Variants in IL5RA observed in about 807,000 individuals in gnomAD.
IL5RA encodes the protein interleukin-5 receptor subunit alpha.
IL5RA carries 49 observed loss-of-function variants against 50.0 expected under a neutral mutation model. The observed-to-expected ratio is 0.98, with a 90% CI of 0.78 to 1.24. The LOEUF is 1.24. Among genes scored for constraint, IL5RA ranks in the 50% most tolerant of loss-of-function variants. The pLI, the probability that IL5RA is intolerant of heterozygous loss-of-function variation, is 0.00. For missense variants in IL5RA, 600 were observed against 500.4 expected (o/e 1.20, Z -1.90); for synonymous variants, 202 against 174.0 (o/e 1.16, Z -1.26).
chr3:3,078,681 A>C (rs168122), intron 9 of IL5RA, among the ~76,000 whole-genome samples: 86,658 of 151,918 alleles, frequency 0.57, 25,613 homozygotes, highest in African/African-American at 0.73. Flanking sequence ...TAAAAATATA[A>C]AAATTAGCAG....
chr3:3,076,646 GAAAC>G lies in IL5RA; in HGVS notation c.995-23_995-20del. ...TCATTTCCTGGTGGAAAACAAAAAA[GAAAC>G]AAAAAAATATAAAGTCCAAGTTAGA... On this transcript the variant is annotated intron_variant, in intron 9 of 11. Transcript: ENST00000446632. The G allele has an allele frequency of 6.6e-7, 1 of 1,517,080 alleles. No homozygotes were observed. Among genetic ancestry groups the G allele is most frequent in the Admixed American group, 1.8e-5 (1 of 56,180 alleles). 94.0% of individuals were successfully genotyped at this position (1,517,080 alleles called of 1,614,324 possible).
At chr3:3,078,554 C>G (rs1278692397) in intron 9 of IL5RA, among the ~76,000 whole-genome samples, 2 of 152,188 alleles carry the variant, frequency 1.3e-5, no homozygotes, top group Non-Finnish European at 2.9e-5. Flanking sequence ...TGAATAAGGG[C>G]TAGGTGCGGT....
At chr3:3,072,545 TG>T (rs1488394746) in intron 11 of IL5RA, among the ~76,000 whole-genome samples, 1 of 152,234 alleles carries the variant, frequency 6.6e-6, no homozygotes, top group Non-Finnish European at 1.5e-5. Flanking sequence ...GGAAATCTTT[TG>T]GGGCTCTGTA....
At chr3:3,105,363 A>C (rs1703860040) in intron 2 of IL5RA, 1 of 156,400 alleles carries the variant, frequency 6.4e-6, no homozygotes, top group Non-Finnish European at 1.4e-5. Flanking sequence ...GCAAAGCTGG[A>C]AGAGAAGGAA....
rs540568179 is a variant in IL5RA, at chr3:3,095,594, C to A, written c.710-150G>T. 196 of 670,210 alleles carry A rather than the reference C, an allele frequency of 2.9e-4. 1 individual carries two copies. Among genetic ancestry groups the A allele is most frequent in the Middle Eastern group, 2.0e-3 (5 of 2,456 alleles). 41.5% of individuals were successfully genotyped at this position (670,210 alleles called of 1,614,324 possible). ...AGGTCTTAATCAACTGATCTCCAAG[C>A]CACAGGAAGCCGGTGGCCTCCCATA... On this transcript the variant is annotated intron_variant, in intron 7 of 11. Transcript: ENST00000446632.
At chr3:3,107,655 C>A (rs1288806401) in intron 2 of IL5RA, among the ~76,000 whole-genome samples, 1 of 152,140 alleles carries the variant, frequency 6.6e-6, no homozygotes, top group African/African-American at 2.4e-5. Context: ...GGAAGACATG[C>A]TCAATCTTTA....
intron 9 of IL5RA, among the ~76,000 whole-genome samples, chr3:3,081,642 A>C (rs163546): frequency 2.0e-5 from 3 of 152,080 alleles, no homozygotes; most frequent in Non-Finnish European, 4.4e-5. Flanking sequence ...TCTGACCATG[A>C]TTACAAAAAT....
At chr3:3,090,113 C>A in intron 9 of IL5RA, 1 of 1,258,284 alleles carries the variant, frequency 7.9e-7, no homozygotes, top group South Asian at 1.3e-5. Flanking sequence ...TTTGATAGGA[C>A]TAAGATTATG....
intron 9 of IL5RA, among the ~76,000 whole-genome samples, chr3:3,091,164 A>C (rs1394244346): frequency 1.3e-5 from 2 of 152,196 alleles, no homozygotes; most frequent in Non-Finnish European, 1.5e-5. Flanking sequence ...TCAGGGACAG[A>C]TCCAGATTTT....
chr3:3,084,134 C>G (rs1702767598), intron 9 of IL5RA, among the ~76,000 whole-genome samples: 1 of 151,872 alleles, frequency 6.6e-6, no homozygotes, highest in African/African-American at 2.4e-5. Flanking sequence ...GCCTCTCCAG[C>G]TTCTATGTCC....
chr3:3,076,339 T>G (rs1482104619), intron 10 of IL5RA, among the ~76,000 whole-genome samples, 192 bp downstream of exon 10: 1 of 152,184 alleles, frequency 6.6e-6, no homozygotes, highest in African/African-American at 2.4e-5. Flanking sequence ...TCTGTCCAAC[T>G]TCTGTAAATC....
chr3:3,097,916 G>T lies in IL5RA; in HGVS notation c.663C>A (p.His221Gln). Residue 221 changes from histidine to glutamine, a missense_variant, in exon 7 of 12, where the codon CAC becomes CAA. Coordinates refer to ENST00000446632, the MANE Select transcript of IL5RA (RefSeq NM_175726.4). ...LAVLVNGSSKHSAIRPFDQLF... is the reference protein window; with the variant it reads ...LAVLVNGSSKQSAIRPFDQLF... ...GCTGATCAAAGGGCCTGATAGCAGAGTGCTTGCTGGAGCCGTTAACAAGCA... is the reference window on the plus strand; with the variant it reads ...GCTGATCAAAGGGCCTGATAGCAGATTGCTTGCTGGAGCCGTTAACAAGCA... The T allele has an allele frequency of 6.2e-7, 1 of 1,614,190 alleles. No homozygotes were observed. The highest frequency in any genetic ancestry group is 8.5e-7 in the Non-Finnish European group (1 of 1,180,036).
intron 5 of IL5RA, 92 bp from the exon 6 acceptor site, chr3:3,098,382 A>G (rs1360973980): frequency 9.4e-7 from 1 of 1,062,488 alleles, no homozygotes; most frequent in East Asian, 2.4e-5. Context: ...TGAACGTCGT[A>G]TTCATCACCA....
At chr3:3,094,850 C>T (rs1321200413) in intron 8 of IL5RA, among the ~76,000 whole-genome samples, 1 of 152,030 alleles carries the variant, frequency 6.6e-6, no homozygotes, top group East Asian at 1.9e-4. Context: ...AGCCCCTGCC[C>T]CCGAGTAGCT....
rs765728555 is a variant in IL5RA at position 3,102,778 on chromosome 3, C to G, written c.125G>C (p.Gly42Ala). ...CCATTGTAAAAGAACTTGAGCCAAACCAGTAACTTTAATGGTGAAATTGAC... is the reference window on the plus strand; with the variant it reads ...CCATTGTAAAAGAACTTGAGCCAAAGCAGTAACTTTAATGGTGAAATTGAC... ...PPVNFTIKVT[G>A]LAQVLLQWKP... The change falls in exon 4 of 12, where the codon GGT (glycine) becomes GCT (alanine). Residue 42 changes from glycine to alanine, a missense_variant. By Grantham distance (60) the Gly-to-Ala change is moderately conservative. Coordinates refer to ENST00000446632, the MANE Select transcript of IL5RA (RefSeq NM_175726.4). 6.2e-7 allele frequency: 1 copy of G among 1,611,930 alleles called. No homozygotes were observed. Among genetic ancestry groups the G allele is most frequent in the Middle Eastern group, 1.7e-4 (1 of 6,052 alleles).
At position 3,093,573 on chromosome 3, in the gene IL5RA, C is replaced by T. The variant is rs17886998; in HGVS notation, c.856-1211G>A. Among the ~76,000 whole-genome samples, 600 of 152,326 alleles carry T rather than the reference C, an allele frequency of 3.9e-3. 1 individual carries two copies. Among genetic ancestry groups the T allele is most frequent in the African/African-American group, 0.013 (533 of 41,576 alleles). ...CGCACACACACGTGCACACACAGTC[C>T]TTCAGTGTAAGTATTTTGGGAAGCT... On this transcript the variant is annotated intron_variant, in intron 8 of 11. Coordinates refer to ENST00000446632, the MANE Select transcript of IL5RA (RefSeq NM_175726.4).
intron 1 of IL5RA, among the ~76,000 whole-genome samples, chr3:3,109,082 T>A (rs1445810872): frequency 6.6e-6 from 1 of 152,226 alleles, no homozygotes; most frequent in South Asian, 2.1e-4. Context: ...TCACTTTTCA[T>A]GTGTTTATTA....
rs1246703734 is a variant in IL5RA, at chr3:3,110,002, T to A, written c.-203A>T. On this transcript the variant is annotated 5_prime_UTR_variant, in exon 1 of 12. Coordinates refer to ENST00000446632, the MANE Select transcript of IL5RA (RefSeq NM_175726.4). ...GCGGCAGGGCATTGAGAACGAACCT[T>A]ATCTCTGGGTGCACTTTTTAACTTA... 6.6e-6 allele frequency: 1 copy of A among 152,174 alleles called. No homozygotes were observed. The highest frequency in any genetic ancestry group is 2.4e-5 in the African/African-American group (1 of 41,450). The allele number at this position is 152,174 out of a possible 1,614,324, so 9.4% of individuals were successfully genotyped here. A position where few individuals can be genotyped will look rare whatever the true frequency, so the allele number is the denominator to read the frequency against.
At chr3:3,078,914 T>A (rs1305680024) in intron 9 of IL5RA, among the ~76,000 whole-genome samples, 1 of 152,220 alleles carries the variant, frequency 6.6e-6, no homozygotes, top group African/African-American at 2.4e-5. Flanking sequence ...TTAATCACAG[T>A]GACTTCCTCC....
Sources: allele counts gnomAD v4.1 joint callset (sites outside exome capture counted in the v4.1 genomes callset), GRCh38; gene constraint gnomAD v4.1.1; transcripts MANE v1.5; gene names NCBI Gene and HGNC (gene_info 2026-07-23, HGNC 2026-07-21).